Variants in ATRNL1 observed in about 807,000 individuals in gnomAD.
The protein encoded by ATRNL1 is attractin-like protein 1.
ATRNL1 carries 95 observed loss-of-function variants against 182.7 expected under a neutral mutation model. The observed-to-expected ratio is 0.52, with a 90% confidence interval of 0.44 to 0.62. The LOEUF (loss-of-function observed/expected upper bound fraction) is 0.62. Among genes scored for constraint, ATRNL1 ranks in the 20% least tolerant of loss-of-function variants. The probability of loss-of-function intolerance (pLI) is 0.00; values close to 1 mark genes in which losing one functional copy is unlikely to be tolerated. For missense variants in ATRNL1, 1,471 were observed against 1,679.5 expected, an observed-to-expected ratio of 0.88 and a Z score of 2.17; for synonymous variants, 576 against 568.3, an observed-to-expected ratio of 1.01 and a Z score of -0.19.
intron 28 of ATRNL1, among the ~76,000 whole-genome samples, chr10:115,880,180 G>C (rs1951794787): frequency 6.6e-6 from 1 of 152,234 alleles, no homozygotes; most frequent in African/African-American, 2.4e-5. Context: ...AGGAGAAACA[G>C]ATGCAATCTG....
intron 9 of ATRNL1, among the ~76,000 whole-genome samples, chr10:115,218,590 C>A (rs1849320991): frequency 6.6e-6 from 1 of 152,102 alleles, no homozygotes; most frequent in South Asian, 2.1e-4. Flanking sequence ...GTTCATGCAC[C>A]AGCTGGGAGA....
At position 115,896,154 on chromosome 10, in the gene ATRNL1, C is replaced by T. The variant is rs143779473; in HGVS notation, c.4018+48163C>T. Among the ~76,000 whole-genome samples, 40 of 152,238 alleles carry T rather than the reference C, an allele frequency of 2.6e-4. No individual in the cohort carries two copies. The East Asian group carries it at 6.8e-3, about 26-fold the overall frequency. On this transcript the variant is annotated intron_variant, in intron 28 of 28. Coordinates refer to ENST00000355044, the MANE Select transcript of ATRNL1 (RefSeq NM_207303.4). ...TGATTTTTTTAAAAACCCATAAAAA[C>T]ATATTGCCCATTCTATAAAGATTCA...
intron 24 of ATRNL1, among the ~76,000 whole-genome samples, chr10:115,473,067 T>C (rs937231076): frequency 3.3e-5 from 5 of 151,452 alleles, no homozygotes; most frequent in South Asian, 2.1e-4. Flanking sequence ...TAATAAACTT[T>C]GTCAAATGCT....
At chr10:115,916,908 C>T (rs1237604807) in intron 28 of ATRNL1, among the ~76,000 whole-genome samples, 1 of 152,188 alleles carries the variant, frequency 6.6e-6, no homozygotes, top group Admixed American at 6.5e-5. Context: ...ATTTATATTG[C>T]TTAGGAGGAC....
At position 115,212,249 on chromosome 10, in the gene ATRNL1, C is replaced by T. The variant is rs139196802; in HGVS notation, c.1349-3448C>T. Reference sequence around the variant, plus strand: ...ATTCTTTCCTTTGTCATTTCCACTCCGGTTTTGAGCCTATCCCGTTAGTTT... The same window carrying T: ...ATTCTTTCCTTTGTCATTTCCACTCTGGTTTTGAGCCTATCCCGTTAGTTT... On this transcript the variant is annotated intron_variant, in intron 8 of 28. Coordinates refer to ENST00000355044, the MANE Select transcript of ATRNL1 (RefSeq NM_207303.4). Among the ~76,000 whole-genome samples, 744 of 151,106 alleles carry T rather than the reference C, an allele frequency of 4.9e-3. 3 individuals carry two copies. The highest frequency in any genetic ancestry group is 0.017 in the African/African-American group (709 of 41,262).
chr10:115,800,516 A>G (rs1949767514), intron 27 of ATRNL1, among the ~76,000 whole-genome samples: 1 of 152,154 alleles, frequency 6.6e-6, no homozygotes, highest in Non-Finnish European at 1.5e-5. Context: ...TTTCAACCCC[A>G]GAGGTCTGAT....
chr10:115,614,553 T>G (rs193159162), intron 26 of ATRNL1, among the ~76,000 whole-genome samples: 53 of 152,306 alleles, frequency 3.5e-4, no homozygotes, highest in Non-Finnish European at 4.4e-4. Context: ...TGGTCTATAA[T>G]GCAATTTAAG....
chr10:115,128,826 CAAAAAAAAA>C (rs369416130), intron 4 of ATRNL1, among the ~76,000 whole-genome samples: 1 of 110,552 alleles, frequency 9.0e-6, no homozygotes, highest in East Asian at 3.2e-4. Context: ...GACTGTGTCT[CAAAAAAAAA>C]AAAAAAAAAG....
intron 26 of ATRNL1, among the ~76,000 whole-genome samples, chr10:115,592,970 A>T (rs545581914): frequency 2.9e-5 from 4 of 136,610 alleles, no homozygotes; most frequent in African/African-American, 1.0e-4. Context: ...TATCTAGCTT[A>T]GTCCATTTTG....
intron 1 of ATRNL1, among the ~76,000 whole-genome samples, chr10:115,099,570 T>C (rs1554864084): frequency 6.6e-6 from 1 of 152,222 alleles, no homozygotes; most frequent in Non-Finnish European, 1.5e-5. Flanking sequence ...CAGTGTTCTA[T>C]CTAGTTAATT....
intron 14 of ATRNL1, 80 bp downstream of exon 14, chr10:115,281,567 A>G: frequency 1.5e-6 from 2 of 1,364,722 alleles, no homozygotes; most frequent in Non-Finnish European, 2.0e-6. Context: ...TAGTAAGGAC[A>G]CTACATTTTC....
chr10:115,862,166 A>G (rs147192157), intron 28 of ATRNL1, among the ~76,000 whole-genome samples: 1,635 of 152,192 alleles, frequency 0.011, 28 homozygotes, highest in African/African-American at 0.038. Flanking sequence ...GTTCTTTAAG[A>G]CTGAAATTTT....
At chr10:115,728,757 T>C (rs541951137) in intron 27 of ATRNL1, among the ~76,000 whole-genome samples, 1 of 152,314 alleles carries the variant, frequency 6.6e-6, no homozygotes, top group Admixed American at 6.5e-5. Flanking sequence ...GATTTTTTAC[T>C]ACTCTAGATC....
chr10:115,398,910 A>C (rs1272449944), intron 20 of ATRNL1, among the ~76,000 whole-genome samples: 1 of 152,102 alleles, frequency 6.6e-6, no homozygotes, highest in Non-Finnish European at 1.5e-5. Context: ...AGTTTTTAAC[A>C]TGAGTGGATG....
chr10:115,365,835 G>T (rs1189303052), intron 19 of ATRNL1, among the ~76,000 whole-genome samples: 4 of 152,176 alleles, frequency 2.6e-5, no homozygotes, highest in Non-Finnish European at 4.4e-5. Context: ...GCGATTTTGA[G>T]TGAGATTCTT....
At chr10:115,417,857 G>A (rs1268795906) in intron 20 of ATRNL1, among the ~76,000 whole-genome samples, 1 of 152,148 alleles carries the variant, frequency 6.6e-6, no homozygotes, top group African/African-American at 2.4e-5. Flanking sequence ...CTGCCCTCTA[G>A]TGTTTAGGGA....
intron 26 of ATRNL1, among the ~76,000 whole-genome samples, chr10:115,686,151 C>A (rs1195830610): frequency 2.0e-5 from 3 of 151,706 alleles, no homozygotes; most frequent in Non-Finnish European, 3.0e-5. Flanking sequence ...ATATGAATAG[C>A]ATTTGTTCTA....
At chr10:115,433,889 T>A (rs1846282036) in intron 21 of ATRNL1, among the ~76,000 whole-genome samples, 1 of 152,128 alleles carries the variant, frequency 6.6e-6, no homozygotes, top group East Asian at 1.9e-4. Context: ...AATAAAAATG[T>A]CCATAAACCT....
chr10:115,369,332 G>A (rs183770986), intron 19 of ATRNL1, among the ~76,000 whole-genome samples: 1 of 151,318 alleles, frequency 6.6e-6, no homozygotes, highest in Non-Finnish European at 1.5e-5. Flanking sequence ...ATGAGGGGAT[G>A]GGGGTTCTGT....
Sources: allele counts gnomAD v4.1 joint callset (sites outside exome capture counted in the v4.1 genomes callset), GRCh38; gene constraint gnomAD v4.1.1; transcripts MANE v1.5; gene names NCBI Gene and HGNC (gene_info 2026-07-23, HGNC 2026-07-21).